Variants in TMEM260 observed in about 807,000 individuals in gnomAD.
The protein encoded by TMEM260 is transmembrane protein 260, also known as protein O-mannosyl-transferase TMEM260.
A neutral mutation model predicts 88.9 loss-of-function variants in TMEM260; 82 were observed. The observed-to-expected ratio is 0.92, with a 90% CI of 0.77 to 1.11. The LOEUF (loss-of-function observed/expected upper bound fraction) is 1.11, where lower values mean the gene tolerates loss of function less well. Ranked by LOEUF, TMEM260 falls within the 50% of genes least tolerant of loss-of-function variation. TMEM260 has a pLI of 0.00. For missense variants in TMEM260, 902 were observed against 853.4 expected, an observed-to-expected ratio of 1.06 and a Z score of -0.71; for synonymous variants, 314 against 309.3, an observed-to-expected ratio of 1.02 and a Z score of -0.16.
intron 15 of TMEM260, among the ~76,000 whole-genome samples, chr14:56,645,112 A>C (rs1889867311): frequency 6.6e-6 from 1 of 150,800 alleles, no homozygotes; most frequent in Non-Finnish European, 1.5e-5. Context: ...TAGAACTAGA[A>C]ATACCATTTG....
At chr14:56,618,087 T>A (rs1201899729) in intron 9 of TMEM260, among the ~76,000 whole-genome samples, 1 of 152,134 alleles carries the variant, frequency 6.6e-6, no homozygotes, top group African/African-American at 2.4e-5. Flanking sequence ...AGATAGACTC[T>A]AGCCCTGGAC....
In TMEM260 at chr14:56,636,665, T is replaced by G. The variant is rs568110597; in HGVS notation, c.1869+67T>G. ...GGAAGGTGATGGTGATTGTTCAGAATGGATAGAGGGTATATCACATTAGAA... is the reference window on the plus strand; with the variant it reads ...GGAAGGTGATGGTGATTGTTCAGAAGGGATAGAGGGTATATCACATTAGAA... On this transcript the variant is annotated intron_variant, in intron 15 of 15. Coordinates refer to ENST00000261556, the MANE Select transcript of TMEM260 (RefSeq NM_017799.4). 6.4e-5 allele frequency: 87 copies of G among 1,349,480 alleles called. No homozygotes were observed. The African/African-American group carries it at 9.2e-4, about 14-fold the overall frequency. The allele number at this position is 1,349,480 out of a possible 1,614,324, so 83.6% of individuals were successfully genotyped here.
intron 3 of TMEM260, among the ~76,000 whole-genome samples, chr14:56,596,785 A>AG: frequency 2.6e-5 from 1 of 37,746 alleles, no homozygotes; most frequent in African/African-American, 1.2e-4. Flanking sequence ...AAAAAAAATT[A>AG]AAAAAAAAAA....
rs1887321156 is a variant in TMEM260, at chr14:56,612,171, T to G, written c.817-74T>G. The G allele has an allele frequency of 3.6e-6, 5 of 1,371,010 alleles. No individual in the cohort carries two copies. The Admixed American group carries it at 9.3e-5, about 25-fold the overall frequency. The allele number at this position is 1,371,010 out of a possible 1,614,324, so 84.9% of individuals were successfully genotyped here. Reference sequence around the variant, plus strand: ...TTAAGAAAACCCGAATCTTTTAAGATTATTAAAATACAATAGCCTAATAAA... The same window carrying G: ...TTAAGAAAACCCGAATCTTTTAAGAGTATTAAAATACAATAGCCTAATAAA... On this transcript the variant is annotated intron_variant, in intron 6 of 15. Transcript: ENST00000261556.
intron 5 of TMEM260, among the ~76,000 whole-genome samples, chr14:56,606,498 A>G (rs568984424): frequency 1.3e-5 from 2 of 152,382 alleles, no homozygotes; most frequent in East Asian, 1.9e-4. Context: ...TTAGATAACT[A>G]TATTTACTGT....
At position 56,647,254 on chromosome 14, in the gene TMEM260, G is replaced by A. The variant is rs147688047; in HGVS notation, c.1881G>A (p.Glu627=). 62 of 1,612,506 alleles carry A rather than the reference G, an allele frequency of 3.8e-5. No homozygotes were observed. In the East Asian group the frequency reaches 1.3e-3, roughly 34 times the overall value. Residue 627 remains glutamate (E), a synonymous_variant, in exon 16 of 16, where the codon GAG becomes GAA. Coordinates refer to ENST00000261556, the MANE Select transcript of TMEM260 (RefSeq NM_017799.4). The part of the protein sequence containing the change: ...LYAQAYDLYK[E]IVYLQKEHPV... ...CTGCTGTTTTCTAGCTTTATAAGGA[G>A]ATTGTCTATTTACAAAAGGAGCACC... is the stretch of plus-strand genomic sequence containing the variant.
At chr14:56,612,572 C>A in intron 7 of TMEM260, 1 of 386,676 alleles carries the variant, frequency 2.6e-6, no homozygotes, top group Non-Finnish European at 4.7e-6. Context: ...TACTTTTAAT[C>A]ATCTCTAGAT....
At chr14:56,579,779 G>A, upstream of TMEM260, 2 of 818,198 alleles carry the variant, frequency 2.4e-6, no homozygotes, top group Non-Finnish European at 3.3e-6. Flanking sequence ...GAAAGGTGCG[G>A]TCCAACCCGC....
chr14:56,612,159 A>T (rs1594846607), intron 6 of TMEM260, 86 bp from the exon 7 acceptor site: 2 of 1,331,948 alleles, frequency 1.5e-6, no homozygotes, highest in Admixed American at 3.8e-5. Flanking sequence ...AGAAAACCCG[A>T]ATCTTTTAAG....
chr14:56,596,924 C>A (rs905567476), intron 3 of TMEM260, among the ~76,000 whole-genome samples: 2 of 151,454 alleles, frequency 1.3e-5, no homozygotes, highest in Non-Finnish European at 2.9e-5. Context: ...CTGGTTTCTT[C>A]ATAGTGTTTT....
At chr14:56,662,664 C>T in the TMEM260 span, among the ~76,000 whole-genome samples, 1 of 152,210 alleles carries the variant, frequency 6.6e-6, no homozygotes, top group East Asian at 1.9e-4. Flanking sequence ...ACTAGGCTTG[C>T]CCGCAAAAAC....
chr14:56,642,296 A>G (rs56027215), intron 15 of TMEM260, among the ~76,000 whole-genome samples: 6,114 of 152,142 alleles, frequency 0.04, 408 homozygotes, highest in African/African-American at 0.14. Flanking sequence ...AACAGAAATT[A>G]TAACAAACTG....
chr14:56,617,324 G>T, intron 9 of TMEM260, 27 bp downstream of exon 9: 2 of 1,458,270 alleles, frequency 1.4e-6, no homozygotes, highest in South Asian at 2.5e-5. Flanking sequence ...TATATCCTTT[G>T]ACCAGAAAGT....
At chr14:56,629,756 G>A (rs973283898) in intron 12 of TMEM260, among the ~76,000 whole-genome samples, 1 of 152,124 alleles carries the variant, frequency 6.6e-6, no homozygotes, top group East Asian at 1.9e-4. Flanking sequence ...TGTTACTTTA[G>A]GCTGGGCACA....
chr14:56,633,968 GACC>G (rs1186300552), intron 13 of TMEM260, among the ~76,000 whole-genome samples: 2 of 152,146 alleles, frequency 1.3e-5, no homozygotes, highest in African/African-American at 4.8e-5. Context: ...CGCAAATACA[GACC>G]ACATTGTTGT....
chr14:56,636,571 A>C lies in TMEM260; in HGVS notation c.1842A>C (p.Lys614Asn), dbSNP rs751788293. 3 of 1,614,080 alleles carry C rather than the reference A, an allele frequency of 1.9e-6. No homozygotes were observed. The highest frequency in any genetic ancestry group is 2.5e-6 in the Non-Finnish European group (3 of 1,179,970). ...CTGCTCACATGCCTTCAAAAGTGAAAGCTCAACTCTACGCTCAAGCATATG... is the reference window on the plus strand; with the variant it reads ...CTGCTCACATGCCTTCAAAAGTGAACGCTCAACTCTACGCTCAAGCATATG... ...AETAHMPSKV[K>N]AQLYAQAYDL... The change falls in exon 15 of 16, where the codon AAA (lysine) becomes AAC (asparagine). Residue 614 changes from lysine (K) to asparagine (N), a missense_variant. Lys to Asn is a moderately conservative substitution (Grantham distance 94, BLOSUM62 0). Coordinates refer to ENST00000261556, the MANE Select transcript of TMEM260 (RefSeq NM_017799.4).
At chr14:56,618,807 G>T (rs1566555551) in intron 10 of TMEM260, 44 bp downstream of exon 10, 1 of 1,555,992 alleles carries the variant, frequency 6.4e-7, no homozygotes, top group Non-Finnish European at 8.8e-7. Flanking sequence ...TCAAGCCAGA[G>T]ATACCTGAAT....
intron 1 of TMEM260, among the ~76,000 whole-genome samples, chr14:56,582,397 C>T (rs555386442): frequency 2.2e-4 from 33 of 152,122 alleles, no homozygotes; most frequent in African/African-American, 7.5e-4. Context: ...TTAGTTTGTA[C>T]GTGAGTTTAT....
chr14:56,634,061 T>C (rs1321920423), intron 13 of TMEM260, among the ~76,000 whole-genome samples: 2 of 152,230 alleles, frequency 1.3e-5, no homozygotes, highest in Admixed American at 1.3e-4. Flanking sequence ...CTAGTACACG[T>C]ACATAACTTT....
Sources: gnomAD v4.1 joint callset for allele counts (sites outside exome capture counted in the v4.1 genomes callset) on GRCh38, gnomAD v4.1.1 for gene constraint, MANE v1.5 for transcripts, NCBI Gene and HGNC (gene_info 2026-07-23, HGNC 2026-07-21) for gene names.